Variants in LY75 observed in about 807,000 individuals in gnomAD.
The protein encoded by LY75 is lymphocyte antigen 75.
Under a neutral mutation model 231.7 loss-of-function variants are expected in LY75, and 185 were observed. The observed-to-expected ratio is 0.80, with a 90% confidence interval of 0.71 to 0.90. LY75 has a LOEUF of 0.90. LY75 is among the 40% of genes least tolerant of loss of function. LY75 has a pLI of 0.00. For missense variants in LY75, 1,947 were observed against 2,050.2 expected (o/e 0.95, Z 0.97); for synonymous variants, 668 against 689.0 (o/e 0.97, Z 0.48).
Position 159,850,042 on chromosome 2 carries a change from C to T in LY75, c.3088G>A (p.Glu1030Lys). The T allele has an allele frequency of 6.2e-7, 1 of 1,614,000 alleles. No individual in the cohort carries two copies. Residue 1030 changes from glutamate (E) to lysine (K), a missense_variant, in exon 23 of 35, where the codon GAG (glutamate) becomes AAG (lysine). Transcript: ENST00000263636. ...EKINKWTDNR[E>K]LTYSNFHPLL... ...GGGTGAAAGTTACTGTACGTCAGCT[C>T]TCTGTTATCTGTCCATTTGTTTATC...
rs193191180 is a variant in LY75, at chr2:159,894,452, G to T, written c.467-368C>A. Among the ~76,000 whole-genome samples the T allele has an allele frequency of 2.5e-3, 377 of 152,350 alleles. 1 individual carries two copies. Among genetic ancestry groups the T allele is most frequent in the Non-Finnish European group, 4.0e-3 (271 of 68,032 alleles). Reference sequence around the variant, plus strand: ...CTGTGGGCCGCAGAGCACTTCACCAGAAAGGGTGCCCTGGCTGAGGTTACA... The same window carrying T: ...CTGTGGGCCGCAGAGCACTTCACCATAAAGGGTGCCCTGGCTGAGGTTACA... On this transcript the variant is annotated intron_variant, in intron 2 of 34. Coordinates refer to ENST00000263636, the MANE Select transcript of LY75 (RefSeq NM_002349.4).
At position 159,898,721 on chromosome 2, in the gene LY75, A is replaced by G. The variant is rs937579787; in HGVS notation, c.433T>C (p.Ser145Pro). ...GGCTGGTCACAAAGGCTTTCCTCTG[A>G]GCCTCCTTTCTTCCAGACATCAGAT... ...NASDVWKKGG[S>P]EESLCDQPYH... The change falls in exon 2 of 35, where the codon TCA (serine) becomes CCA (proline). Residue 145 changes from serine to proline, a missense_variant. Physicochemically the swap from Ser to Pro is moderately conservative, Grantham distance 74 (BLOSUM62 -1). Transcript: ENST00000263636. The G allele has an allele frequency of 1.6e-5, 26 of 1,613,902 alleles. No homozygotes were observed. Among genetic ancestry groups the G allele is most frequent in the Non-Finnish European group, 2.2e-5 (26 of 1,179,910 alleles).
intron 32 of LY75, among the ~76,000 whole-genome samples, chr2:159,810,043 T>A (rs917795478): frequency 6.6e-5 from 10 of 150,630 alleles, no homozygotes; most frequent in South Asian, 6.3e-4. Flanking sequence ...ACATTGATAA[T>A]TTTTTTTTGA....
intron 7 of LY75, 57 bp downstream of exon 7, chr2:159,882,067 C>T (rs1026793244): frequency 1.3e-6 from 2 of 1,550,194 alleles, no homozygotes; most frequent in Non-Finnish European, 8.7e-7. Context: ...GAGTCTAAAA[C>T]CAGGGATACT....
chr2:159,867,625 G>T (rs1684895253), intron 13 of LY75, among the ~76,000 whole-genome samples: 1 of 152,184 alleles, frequency 6.6e-6, no homozygotes, highest in Admixed American at 6.6e-5. Flanking sequence ...GCATTTGGTT[G>T]CTAAGGAAAA....
chr2:159,865,856 T>A (rs1030545408), intron 13 of LY75, among the ~76,000 whole-genome samples: 1 of 152,152 alleles, frequency 6.6e-6, no homozygotes, highest in Non-Finnish European at 1.5e-5. Context: ...CAGGAACATA[T>A]GTCTAAGTAA....
In LY75 at chr2:159,879,274, C is replaced by A; in HGVS notation, c.1500G>T (p.Met500Ile). ...EKLNDASSDK[M>I]CPPDEGWKRH... is the part of the protein sequence containing the mutation. ...TTTTACCTACCTCATCTGGAGGACA[C>A]ATCTTATCAGAACTTGCGTCATTCA... is the stretch of plus-strand genomic sequence containing the variant. The change falls in exon 9 of 35, where the codon ATG becomes ATT. Residue 500 changes from methionine (M) to isoleucine (I), a missense_variant. Physicochemically the swap from Met to Ile is conservative, Grantham distance 10. Transcript: ENST00000263636. 6.2e-7 allele frequency: 1 copy of A among 1,613,412 alleles called. No individual in the cohort carries two copies. Among genetic ancestry groups the A allele is most frequent in the Non-Finnish European group, 8.5e-7 (1 of 1,179,838 alleles).
In LY75 at chr2:159,815,570, T is replaced by C; in HGVS notation, c.4384A>G (p.Ser1462Gly). The C allele has an allele frequency of 6.2e-7, 1 of 1,611,790 alleles. No individual in the cohort carries two copies. The highest frequency in any genetic ancestry group is 8.5e-7 in the Non-Finnish European group (1 of 1,179,486). Residue 1462 changes from serine (S) to glycine (G), a missense_variant, in exon 31 of 35, where the codon AGT becomes GGT. By Grantham distance (56) the Ser-to-Gly change is moderately conservative. Coordinates refer to ENST00000263636, the MANE Select transcript of LY75 (RefSeq NM_002349.4). ...LWVGLSSHDG[S>G]ESSFEWSDGS... ...TCAGACCATTCAAAACTTGATTCAC[T>C]TCCCTGTTGTAAGAACAATAGAGAT...
Position 159,893,978 on chromosome 2 carries a change from C to G in LY75, c.573G>C (p.Gly191=), listed in dbSNP as rs1375566013. The change falls in exon 3 of 35, where the codon GGG becomes GGC. Residue 191 remains glycine (G), a synonymous_variant. Coordinates refer to ENST00000263636, the MANE Select transcript of LY75 (RefSeq NM_002349.4). ...AATTTAAGGTGGTGGCACACCATGG[C>G]CCACTATGATCTTCATCAAGAATGC... ...HDCILDEDHS[G]PWCATTLNYE... The G allele has an allele frequency of 2.5e-6, 4 of 1,613,766 alleles. No homozygotes were observed. The African/African-American group carries it at 5.3e-5, about 22-fold the overall frequency.
chr2:159,810,702 A>T, intron 31 of LY75, 27 bp from the exon 32 acceptor site: 1 of 1,599,630 alleles, frequency 6.3e-7, no homozygotes, highest in Non-Finnish European at 8.5e-7. Flanking sequence ...CACAGTTGTA[A>T]CAATGCATGG....
intron 32 of LY75, 127 bp downstream of exon 32, chr2:159,810,399 G>T: frequency 7.8e-7 from 1 of 1,274,742 alleles, no homozygotes; most frequent in Non-Finnish European, 1.1e-6. Context: ...TTAGTTTATA[G>T]CGCTATTAGA....
chr2:159,885,512 T>A (rs76756228), intron 5 of LY75, among the ~76,000 whole-genome samples: 8,302 of 152,260 alleles, frequency 0.055, 538 homozygotes, highest in African/African-American at 0.16. Flanking sequence ...CATCATGATA[T>A]GTTGTAGTTA....
intron 4 of LY75, among the ~76,000 whole-genome samples, chr2:159,889,115 C>A (rs914710390): frequency 6.6e-6 from 1 of 152,014 alleles, no homozygotes; most frequent in East Asian, 1.9e-4. Context: ...GAAAGATATA[C>A]AAGACTATGG....
intron 25 of LY75, among the ~76,000 whole-genome samples, chr2:159,840,397 C>G (rs115446674): frequency 0.014 from 2,080 of 152,120 alleles, 19 homozygotes; most frequent in Admixed American, 0.029. Context: ...TATGGCAAAA[C>G]CTCATCTTTA....
At chr2:159,814,249 C>T (rs1683051823) in intron 31 of LY75, among the ~76,000 whole-genome samples, 1 of 152,204 alleles carries the variant, frequency 6.6e-6, no homozygotes, top group South Asian at 2.1e-4. Flanking sequence ...ACCCTAAGTC[C>T]AGCCTCTAAT....
chr2:159,891,059 G>T (rs899917118), intron 3 of LY75, among the ~76,000 whole-genome samples: 6 of 152,098 alleles, frequency 3.9e-5, no homozygotes, highest in African/African-American at 1.2e-4. Context: ...AAAACAACTG[G>T]TTCAAAATAT....
At chr2:159,810,042 AT>A (rs1232327469) in intron 32 of LY75, among the ~76,000 whole-genome samples, 15 of 148,846 alleles carry the variant, frequency 1.0e-4, no homozygotes, top group Admixed American at 6.7e-4. Context: ...AACATTGATA[AT>A]TTTTTTTTGA....
At chr2:159,831,385 A>G (rs1683654104) in intron 28 of LY75, among the ~76,000 whole-genome samples, 4 of 152,192 alleles carry the variant, frequency 2.6e-5, no homozygotes, top group African/African-American at 9.7e-5. Context: ...CCGTGACTCA[A>G]TTAAAGCTCT....
intron 29 of LY75, among the ~76,000 whole-genome samples, chr2:159,817,293 T>C (rs887577763): frequency 6.6e-6 from 1 of 152,210 alleles, no homozygotes; most frequent in Non-Finnish European, 1.5e-5. Context: ...GAAACAACAA[T>C]GGCTGAAATG....
Sources: gnomAD v4.1 joint callset for allele counts (sites outside exome capture counted in the v4.1 genomes callset) on GRCh38, gnomAD v4.1.1 for gene constraint, MANE v1.5 for transcripts, NCBI Gene and HGNC (gene_info 2026-07-23, HGNC 2026-07-21) for gene names.